The following EPM2A variants were observed in gnomAD, a reference collection of about 807,000 sequenced individuals.
EPM2A encodes the protein EPM2A glucan phosphatase, laforin.
Under a neutral mutation model 26.5 loss-of-function variants are expected in EPM2A, and 21 were observed. The observed-to-expected ratio is 0.79, with a 90% CI of 0.56 to 1.14. The LOEUF (loss-of-function observed/expected upper bound fraction) is 1.14, where lower values mean the gene tolerates loss of function less well. EPM2A is among the 50% of genes most tolerant of loss of function. The probability of loss-of-function intolerance (pLI) is 0.00; values close to 1 mark genes in which losing one functional copy is unlikely to be tolerated. For synonymous variants in EPM2A, 217 were observed against 177.6 expected (o/e 1.22, Z -1.76); for missense variants, 458 against 440.8 (o/e 1.04, Z -0.35).
intron 2 of EPM2A, among the ~76,000 whole-genome samples, chr6:145,560,549 C>T (rs1780790120): frequency 6.6e-6 from 1 of 152,062 alleles, no homozygotes; most frequent in African/African-American, 2.4e-5. Flanking sequence ...GGATTTGGAC[C>T]ACAAGCCAGA....
chr6:145,612,638 A>G (rs1380595381), intron 2 of EPM2A, among the ~76,000 whole-genome samples: 1 of 121,666 alleles, frequency 8.2e-6, no homozygotes, highest in Non-Finnish European at 1.8e-5. Context: ...CAAGTCACAC[A>G]ATTTTTTTTC....
intron 2 of EPM2A, among the ~76,000 whole-genome samples, chr6:145,599,143 A>T (rs552773843): frequency 6.6e-6 from 1 of 152,328 alleles, no homozygotes; most frequent in African/African-American, 2.4e-5. Flanking sequence ...AGTTCTGTGA[A>T]GTACGTCATT....
intron 4 of EPM2A, among the ~76,000 whole-genome samples, chr6:145,411,714 G>A (rs1451714584): frequency 1.3e-5 from 2 of 152,076 alleles, no homozygotes; most frequent in African/African-American, 2.4e-5. Flanking sequence ...ACCCACACAT[G>A]CCAAGCATTT....
chr6:145,507,487 T>A (rs191675101), intron 2 of EPM2A, among the ~76,000 whole-genome samples: 1 of 152,260 alleles, frequency 6.6e-6, no homozygotes, highest in Non-Finnish European at 1.5e-5. Context: ...GGCACCCTGT[T>A]TCTCTCAAGC....
chr6:145,622,143 T>A (rs1241333852), downstream of EPM2A, among the ~76,000 whole-genome samples: 1 of 152,202 alleles, frequency 6.6e-6, no homozygotes, highest in Non-Finnish European at 1.5e-5. Flanking sequence ...CATTTTTATA[T>A]TATTAAAATA....
chr6:145,717,008 T>C (rs1028147810), intron 1 of EPM2A, among the ~76,000 whole-genome samples: 1 of 152,188 alleles, frequency 6.6e-6, no homozygotes, highest in Non-Finnish European at 1.5e-5. Context: ...TTCTTCCTCC[T>C]GAATTCCCAC....
At chr6:145,452,808 A>G (rs1401297956) in intron 4 of EPM2A, among the ~76,000 whole-genome samples, 1 of 152,214 alleles carries the variant, frequency 6.6e-6, no homozygotes, top group South Asian at 2.1e-4. Context: ...CTCTAGGAGT[A>G]AAATACACTT....
At chr6:145,411,447 C>T (rs1582734621) in intron 4 of EPM2A, among the ~76,000 whole-genome samples, 1 of 152,058 alleles carries the variant, frequency 6.6e-6, no homozygotes, top group African/African-American at 2.4e-5. Context: ...TCACTTGAAA[C>T]AGTTCAAATG....
intron 4 of EPM2A, among the ~76,000 whole-genome samples, chr6:145,435,409 TTATATATA>T (rs3063952): frequency 7.9e-6 from 1 of 126,598 alleles, no homozygotes; most frequent in Non-Finnish European, 1.7e-5. Flanking sequence ...AGTGAAGAAT[TTATATATA>T]TATATATATA....
At position 145,626,586 on chromosome 6, in the gene EPM2A, T is replaced by C; in HGVS notation, c.*830A>G. 4.1e-6 allele frequency: 4 copies of C among 985,594 alleles called. No homozygotes were observed. In the South Asian group the frequency reaches 1.4e-4, roughly 35 times the overall value. The allele number at this position is 985,594 out of a possible 1,614,324, so 61.1% of individuals were successfully genotyped here. On this transcript the variant is annotated 3_prime_UTR_variant, in exon 4 of 4. Coordinates refer to ENST00000367519, the MANE Select transcript of EPM2A (RefSeq NM_005670.4). ...AGACAAAACTAAATGCACTACATGA[T>C]GCTGGGAAAACAAGTTGTGATGAAA...
intron 4 of EPM2A, among the ~76,000 whole-genome samples, chr6:145,462,667 C>A (rs1461517609): frequency 1.3e-5 from 2 of 152,112 alleles, no homozygotes; most frequent in East Asian, 3.9e-4. Flanking sequence ...CAGCCAGAAC[C>A]CAGTAAGTCT....
At chr6:145,581,361 CT>C (rs1359326352) in intron 2 of EPM2A, among the ~76,000 whole-genome samples, 2 of 151,972 alleles carry the variant, frequency 1.3e-5, no homozygotes, top group Admixed American at 1.3e-4. Context: ...TTGCTTATTA[CT>C]TTTTTTAAGT....
At chr6:145,660,760 C>T (rs1377768624) in intron 2 of EPM2A, among the ~76,000 whole-genome samples, 3 of 152,080 alleles carry the variant, frequency 2.0e-5, no homozygotes, top group Non-Finnish European at 2.9e-5. Flanking sequence ...CAAGATCACG[C>T]CACTCCACTC....
At position 145,510,256 on chromosome 6, in the gene EPM2A, C is replaced by A. The variant is rs570982112; in HGVS notation, c.341-7681G>T. Among the ~76,000 whole-genome samples the A allele has an allele frequency of 3.9e-5, 6 of 152,286 alleles. No homozygotes were observed. In the South Asian group the frequency reaches 1.2e-3, roughly 32 times the overall value. ...CCAACTAGACCTAATAGACTTCTAA[C>A]AGAATACTGCACCCAACAACCACAG... On this transcript the variant is annotated intron_variant, in intron 2 of 3. Transcript: ENST00000450221.
In EPM2A at chr6:145,627,577, C is replaced by T. The variant is rs137852917; in HGVS notation, c.835G>A (p.Gly279Ser). The change falls in exon 4 of 4, where the codon GGC becomes AGC. Residue 279 changes from glycine (G) to serine (S), a missense_variant. Transcript: ENST00000367519. ...CAGCCCATCACATACTGGAGCCAGCCGCAGACAGCCGCGGTGGAGCGGCCC... is the reference window on the plus strand; with the variant it reads ...CAGCCCATCACATACTGGAGCCAGCTGCAGACAGCCGCGGTGGAGCGGCCC... ...GVGRSTAAVC[G>S]WLQYVMGWNL... The T allele has an allele frequency of 1.4e-5, 22 of 1,614,250 alleles. No homozygotes were observed. The highest frequency in any genetic ancestry group is 4.5e-5 in the East Asian group (2 of 44,882).
chr6:145,550,041 G>T (rs1312101899), intron 2 of EPM2A, among the ~76,000 whole-genome samples: 1 of 152,118 alleles, frequency 6.6e-6, no homozygotes. Flanking sequence ...TCATAAAGTG[G>T]TGTATACTTG....
chr6:145,491,891 C>A, intron 4 of EPM2A: 1 of 496,736 alleles, frequency 2.0e-6, no homozygotes, highest in Non-Finnish European at 4.0e-6. Context: ...ACCAAAGGTT[C>A]CTGGGTAAAT....
chr6:145,420,615 A>G (rs763346107), intron 4 of EPM2A, among the ~76,000 whole-genome samples: 5 of 152,156 alleles, frequency 3.3e-5, no homozygotes, highest in Non-Finnish European at 5.9e-5. Flanking sequence ...TTCAACAATA[A>G]TTACACTGGC....
At chr6:145,434,744 G>T (rs546793153) in intron 4 of EPM2A, among the ~76,000 whole-genome samples, 8 of 152,092 alleles carry the variant, frequency 5.3e-5, no homozygotes, top group Non-Finnish European at 1.2e-4. Context: ...TACTCCCAAA[G>T]AAACTCCACA....
Sources: gnomAD v4.1 joint callset for allele counts (sites outside exome capture counted in the v4.1 genomes callset) on GRCh38, gnomAD v4.1.1 for gene constraint, MANE v1.5 for transcripts, NCBI Gene and HGNC (gene_info 2026-07-23, HGNC 2026-07-21) for gene names.